Variants in DNAAF1 observed in about 807,000 individuals in gnomAD.
The protein encoded by DNAAF1 is dynein assembly factor 1, axonemal.
In DNAAF1, 65 loss-of-function variants were observed where a neutral mutation model predicts 71.1. The observed-to-expected ratio is 0.91, with a 90% CI of 0.75 to 1.12. DNAAF1 has a LOEUF of 1.12. Ranked by LOEUF, DNAAF1 falls within the 50% of genes most tolerant of loss-of-function variation. The pLI, the probability that DNAAF1 is intolerant of heterozygous loss-of-function variation, is 0.00. For synonymous variants in DNAAF1, 414 were observed against 354.6 expected, an observed-to-expected ratio of 1.17 and a Z score of -1.88; for missense variants, 1,178 against 899.8, an observed-to-expected ratio of 1.31 and a Z score of -3.96.
chr16:84,151,541 G>C (rs1226436661), intron 3 of DNAAF1, among the ~76,000 whole-genome samples: 2 of 152,212 alleles, frequency 1.3e-5, no homozygotes, highest in Non-Finnish European at 2.9e-5. Flanking sequence ...GTTTGACTGA[G>C]TAGAGACAGT....
intron 5 of DNAAF1, among the ~76,000 whole-genome samples, chr16:84,156,851 C>CTTTTTTTTTTTTTTTTTTTTTTTTT (rs778916785): frequency 2.7e-5 from 3 of 111,808 alleles, no homozygotes; most frequent in African/African-American, 1.1e-4. Flanking sequence ...TTCTTTCTTT[C>CTTTTTTTTTTTTTTTTTTTTTTTTT]TTTTTTTTTT....
At chr16:84,168,404 C>G (rs544992081) in intron 7 of DNAAF1, among the ~76,000 whole-genome samples, 1 of 152,176 alleles carries the variant, frequency 6.6e-6, no homozygotes, top group Non-Finnish European at 1.5e-5. Flanking sequence ...GTAACGTATT[C>G]ATATTCTGAC....
chr16:84,171,925 T>C (rs2088371478), intron 8 of DNAAF1, among the ~76,000 whole-genome samples: 1 of 150,946 alleles, frequency 6.6e-6, no homozygotes, highest in African/African-American at 2.4e-5. Flanking sequence ...TCACCCAGGC[T>C]GGAGTGCAGT....
At chr16:84,158,596 G>A (rs142843731) in intron 5 of DNAAF1, among the ~76,000 whole-genome samples, 4 of 152,274 alleles carry the variant, frequency 2.6e-5, no homozygotes, top group East Asian at 3.9e-4. Context: ...TAGTTGTTTC[G>A]TGACTGCTTT....
chr16:84,158,979 C>T, intron 5 of DNAAF1: 1 of 964,240 alleles, frequency 1.0e-6, no homozygotes, highest in Non-Finnish European at 1.2e-6. Context: ...GATCCACCCA[C>T]CTCAGCCTCC....
At chr16:84,172,494 C>G (rs1456716866) in intron 9 of DNAAF1, 119 bp downstream of exon 9, 7 of 1,519,278 alleles carry the variant, frequency 4.6e-6, no homozygotes, top group Non-Finnish European at 6.2e-6. Context: ...GCCGGCAGGC[C>G]TGGCATTTCT....
At chr16:84,176,369 GCAGT>G in intron 11 of DNAAF1, 70 bp downstream of exon 11, 1 of 1,606,114 alleles carries the variant, frequency 6.2e-7, no homozygotes, top group South Asian at 1.1e-5. Context: ...GTGGGGCAGG[GCAGT>G]CACTCAGCCT....
rs571365517 is a variant in DNAAF1 at position 84,163,324 on chromosome 16, C to T, written c.864-2459C>T. On this transcript the variant is annotated intron_variant, in intron 6 of 11. Coordinates refer to ENST00000378553, the MANE Select transcript of DNAAF1 (RefSeq NM_178452.6). ...CAGTGTAGGAAGGTTCCAATTTTCC[C>T]GTATCCTCACCAACACTTCGGGTTG... Among the ~76,000 whole-genome samples, 11 of 151,854 alleles carry T rather than the reference C, an allele frequency of 7.2e-5. No individual in the cohort carries two copies. In the South Asian group the frequency reaches 1.7e-3, roughly 23 times the overall value.
Position 84,172,378 on chromosome 16 carries a change from A to T in DNAAF1, c.1644+3A>T. On this transcript the variant is annotated splice_donor_region_variant and intron_variant, in intron 9 of 11. Coordinates refer to ENST00000378553, the MANE Select transcript of DNAAF1 (RefSeq NM_178452.6). ...CAAAGGAGACATTCTGCATTGATGTACATGAAGTATTTAATCTTGGAGATA... is the reference window on the plus strand; with the variant it reads ...CAAAGGAGACATTCTGCATTGATGTTCATGAAGTATTTAATCTTGGAGATA... 6.2e-7 allele frequency: 1 copy of T among 1,613,812 alleles called. No individual in the cohort carries two copies. The highest frequency in any genetic ancestry group is 8.5e-7 in the Non-Finnish European group (1 of 1,179,760).
chr16:84,148,622 C>T (rs1289500194), intron 1 of DNAAF1, among the ~76,000 whole-genome samples: 6 of 13,552 alleles, frequency 4.4e-4, no homozygotes, highest in Middle Eastern at 0.022. Context: ...TTTGGTGAGA[C>T]GGGGTCTCAC....
chr16:84,156,058 G>A (rs2087412864), intron 5 of DNAAF1, among the ~76,000 whole-genome samples: 1 of 152,134 alleles, frequency 6.6e-6, no homozygotes, highest in African/African-American at 2.4e-5. Flanking sequence ...CTGCCTCTGG[G>A]TTCAAGGAAT....
chr16:84,162,092 A>G (rs2151241816), intron 6 of DNAAF1: 1 of 152,300 alleles, frequency 6.6e-6, no homozygotes, highest in African/African-American at 2.4e-5. Flanking sequence ...TCTCCTTGGC[A>G]TATTCTGTCT....
At chr16:84,161,937 T>C (rs2087734628) in intron 6 of DNAAF1, among the ~76,000 whole-genome samples, 1 of 152,158 alleles carries the variant, frequency 6.6e-6, no homozygotes, top group Non-Finnish European at 1.5e-5. Context: ...AGATCAGCTC[T>C]TACATTCACT....
intron 9 of DNAAF1, chr16:84,173,371 G>A (rs1340072197): frequency 1.5e-6 from 1 of 677,690 alleles, no homozygotes; most frequent in Non-Finnish European, 1.8e-6. Flanking sequence ...GGCTGAGGCA[G>A]GAGAATGGCA....
rs531097583 is a variant in DNAAF1 at position 84,166,523 on chromosome 16, C to T, written c.1030+574C>T. Among the ~76,000 whole-genome samples the T allele has an allele frequency of 3.3e-5, 5 of 151,980 alleles. No homozygotes were observed. In the South Asian group the frequency reaches 8.3e-4, roughly 25 times the overall value. The stretch of plus-strand genomic sequence containing the variant: ...GGCTGGGACTACAGGTGTGCACCAC[C>T]ATGCTTAGCTAATTAAAAAAAAGAA... On this transcript the variant is annotated intron_variant, in intron 7 of 11. Transcript: ENST00000378553.
At chr16:84,154,141 C>T (rs1029004923) in intron 3 of DNAAF1, among the ~76,000 whole-genome samples, 1 of 152,174 alleles carries the variant, frequency 6.6e-6, no homozygotes, top group African/African-American at 2.4e-5. Context: ...TGTCTTAGTC[C>T]GTTTTGAGCT....
intron 1 of DNAAF1, among the ~76,000 whole-genome samples, chr16:84,148,377 T>C (rs2087012301): frequency 1.3e-5 from 2 of 152,110 alleles, no homozygotes; most frequent in African/African-American, 2.4e-5. Flanking sequence ...AGCAAGTCAT[T>C]GTTTTATGTA....
intron 2 of DNAAF1, 62 bp downstream of exon 2, chr16:84,149,204 C>T: frequency 6.3e-7 from 1 of 1,590,924 alleles, no homozygotes; most frequent in Non-Finnish European, 8.6e-7. Flanking sequence ...CGTAATCACC[C>T]CCTTGTACGG....
intron 6 of DNAAF1, among the ~76,000 whole-genome samples, chr16:84,161,132 G>C (rs2087694676): frequency 6.6e-6 from 1 of 152,084 alleles, no homozygotes; most frequent in African/African-American, 2.4e-5. Flanking sequence ...ACCTCCCTGG[G>C]CGCACGTTCC....
Sources: allele counts gnomAD v4.1 joint callset (sites outside exome capture counted in the v4.1 genomes callset), GRCh38; gene constraint gnomAD v4.1.1; transcripts MANE v1.5; gene names NCBI Gene and HGNC (gene_info 2026-07-23, HGNC 2026-07-21).